The following KIF18B variants were observed in gnomAD, a reference collection of about 807,000 sequenced individuals.
The protein encoded by KIF18B is kinesin-like protein KIF18B.
Under a neutral mutation model 80.9 loss-of-function variants are expected in KIF18B, and 49 were observed. The ratio of observed to expected loss-of-function variants is 0.61; its 90% CI spans 0.48 to 0.77. KIF18B has a LOEUF of 0.77. Ranked by LOEUF, KIF18B falls within the 30% of genes least tolerant of loss-of-function variation. The pLI, the probability that KIF18B is intolerant of heterozygous loss-of-function variation, is 0.00. For synonymous variants in KIF18B, 439 were observed against 463.9 expected (o/e 0.95, Z 0.69); for missense variants, 994 against 1,127.7 (o/e 0.88, Z 1.70).
chr17:44,938,595 G>A (rs1046269944), intron 1 of KIF18B, among the ~76,000 whole-genome samples: 5 of 152,068 alleles, frequency 3.3e-5, no homozygotes, highest in Non-Finnish European at 5.9e-5. Flanking sequence ...CATGGAGATG[G>A]AATTTTTTTT....
intron 1 of KIF18B, among the ~76,000 whole-genome samples, chr17:44,936,598 CTATATA>C (rs1218900628): frequency 0.021 from 588 of 27,744 alleles, 10 homozygotes; most frequent in Non-Finnish European, 0.022. Context: ...CTCTCTCTCT[CTATATA>C]TATATATATA....
In KIF18B at chr17:44,925,398, G is replaced by C. The variant is rs2052004813; in HGVS notation, c.*682C>G. On this transcript the variant is annotated 3_prime_UTR_variant, in exon 16 of 16. Coordinates refer to ENST00000593135, the MANE Select transcript of KIF18B (RefSeq NM_001265577.2). Reference sequence around the variant, plus strand: ...GGAGGCGGAGCTTGCAGTGAGCCAAGATCGCCACCACTGCACTCCAGCCTG... The same window carrying C: ...GGAGGCGGAGCTTGCAGTGAGCCAACATCGCCACCACTGCACTCCAGCCTG... 6.6e-6 allele frequency: 1 copy of C among 152,006 alleles called. No homozygotes were observed. Among genetic ancestry groups the C allele is most frequent in the Admixed American group, 6.6e-5 (1 of 15,224 alleles). The allele number at this position is 152,006 out of a possible 1,614,324, so 9.4% of individuals were successfully genotyped here.
rs376904129 is a variant in KIF18B at position 44,932,954 on chromosome 17, G to A, written c.1095C>T (p.His365=). The change falls in exon 8 of 16, where the codon CAC becomes CAT. Residue 365 remains histidine, a synonymous_variant. Transcript: ENST00000593135. ...GGCAGATGGTAGCATACTGGCTGAT[G>A]TGACAGTCCAGGCTGGTCACATTGC... ...LKSNVTSLDC[H]ISQYATICQQ... is the part of the protein sequence containing the mutation. 1.1e-5 allele frequency: 18 copies of A among 1,607,498 alleles called. No homozygotes were observed. The African/African-American group carries it at 2.1e-4, about 19-fold the overall frequency.
intron 10 of KIF18B, 128 bp from the exon 11 acceptor site, chr17:44,931,857 C>A: frequency 7.8e-7 from 1 of 1,281,142 alleles, no homozygotes; most frequent in South Asian, 1.4e-5. Flanking sequence ...AGGTCCTGGT[C>A]ACTTCCAAAC....
Position 44,936,201 on chromosome 17 carries a change from C to T in KIF18B, c.144G>A (p.Gly48=). The T allele has an allele frequency of 6.2e-7, 1 of 1,612,006 alleles. No individual in the cohort carries two copies. Reference sequence around the variant, plus strand: ...TGCCACCCCATTTCAGGCCAGGGAACCCTCCATCGGGCTCCTCAGGGTTAA... The same window carrying T: ...TGCCACCCCATTTCAGGCCAGGGAATCCTCCATCGGGCTCCTCAGGGTTAA... ...LVFNPEEPDG[G]FPGLKWGGTH... is the part of the protein sequence containing the mutation. Residue 48 remains glycine (G), a synonymous_variant, in exon 2 of 16, where the codon GGG becomes GGA. Coordinates refer to ENST00000593135, the MANE Select transcript of KIF18B (RefSeq NM_001265577.2).
intron 12 of KIF18B, 58 bp downstream of exon 12, chr17:44,928,761 G>T: frequency 6.5e-7 from 1 of 1,547,630 alleles, no homozygotes; most frequent in Non-Finnish European, 8.8e-7. Flanking sequence ...CTTGGCCCCA[G>T]TGGGGCCTTG....
intron 8 of KIF18B, 24 bp downstream of exon 8, chr17:44,932,888 C>T (rs1597881575): frequency 5.0e-6 from 8 of 1,595,726 alleles, no homozygotes; most frequent in South Asian, 1.1e-5. Context: ...GCCCTCCAGC[C>T]TGCCCCCAAG....
In KIF18B at chr17:44,927,218, G is replaced by T; in HGVS notation, c.2277-140C>A. 1.6e-6 allele frequency: 1 copy of T among 617,702 alleles called. No homozygotes were observed. The highest frequency in any genetic ancestry group is 2.8e-6 in the Non-Finnish European group (1 of 354,752). 38.3% of individuals were successfully genotyped at this position (617,702 alleles called of 1,614,324 possible). On this transcript the variant is annotated intron_variant, in intron 13 of 15. Coordinates refer to ENST00000593135, the MANE Select transcript of KIF18B (RefSeq NM_001265577.2). This position sits in a 1 kb window ranked among gnomAD's most constrained non-coding sequence, Gnocchi z 4.1. ...ACCTCTGAGGTTTCTTCTACAAAGAGGTGGATTCCTCTCTCTGCCTGGCTG... is the reference window on the plus strand; with the variant it reads ...ACCTCTGAGGTTTCTTCTACAAAGATGTGGATTCCTCTCTCTGCCTGGCTG...
chr17:44,941,490 C>T (rs868725312), intron 1 of KIF18B, among the ~76,000 whole-genome samples: 1 of 152,122 alleles, frequency 6.6e-6, no homozygotes, highest in Non-Finnish European at 1.5e-5. Context: ...AGGCGCCCAC[C>T]ATTACGGCCA....
rs1291188191 is a variant in KIF18B, at chr17:44,934,091, C to T, written c.894G>A (p.Lys298=). ...TGCTGTCCCGGTAGGGCACATGGGT[C>T]TTGCGGCCCTGGGGGGCAGTAAGCA... ...LNALADAKGR[K]THVPYRDSKL... Residue 298 remains lysine (K), a synonymous_variant, in exon 7 of 16, where the codon AAG becomes AAA. Coordinates refer to ENST00000593135, the MANE Select transcript of KIF18B (RefSeq NM_001265577.2). The surrounding 1 kb of genome is among the most constrained non-coding windows in gnomAD (Gnocchi z 5.4). 6.2e-7 allele frequency: 1 copy of T among 1,612,504 alleles called. No homozygotes were observed. The highest frequency in any genetic ancestry group is 8.5e-7 in the Non-Finnish European group (1 of 1,179,404).
chr17:44,938,924 G>A (rs1439522341), intron 1 of KIF18B, among the ~76,000 whole-genome samples: 4 of 152,050 alleles, frequency 2.6e-5, no homozygotes, highest in Non-Finnish European at 5.9e-5. Flanking sequence ...CGTGCCTGTA[G>A]TCCCAGCTAC....
chr17:44,941,187 T>C (rs2052408191), intron 1 of KIF18B, among the ~76,000 whole-genome samples: 1 of 152,194 alleles, frequency 6.6e-6, no homozygotes, highest in South Asian at 2.1e-4. Context: ...CATCGGGCTA[T>C]ACTGCCTTAT....
Position 44,936,076 on chromosome 17 carries a change from G to A in KIF18B, c.269C>T (p.Thr90Met), listed in dbSNP as rs767285487. Residue 90 changes from threonine to methionine, a missense_variant, in exon 2 of 16, where the codon ACG becomes ATG. By Grantham distance (81) the Thr-to-Met change is moderately conservative. Coordinates refer to ENST00000593135, the MANE Select transcript of KIF18B (RefSeq NM_001265577.2). ...GAGGAAGCTGTCCAGGACGCTGTGC[G>A]TGGTGTGCTGGAACACGTCCTGTTG... ...ATQQDVFQHT[T>M]HSVLDSFLQG... 15 of 1,613,810 alleles carry A rather than the reference G, an allele frequency of 9.3e-6. No individual in the cohort carries two copies. Among genetic ancestry groups the A allele is most frequent in the Middle Eastern group, 1.7e-4 (1 of 6,058 alleles).
chr17:44,928,195 G>A lies in KIF18B; in HGVS notation c.2107C>T (p.Pro703Ser). The A allele has an allele frequency of 6.2e-7, 1 of 1,612,276 alleles. No homozygotes were observed. The highest frequency in any genetic ancestry group is 8.5e-7 in the Non-Finnish European group (1 of 1,179,068). Residue 703 changes from proline to serine, a missense_variant, in exon 13 of 16, where the codon CCT (proline) becomes TCT (serine). By Grantham distance (74) the Pro-to-Ser change is moderately conservative. Coordinates refer to ENST00000593135, the MANE Select transcript of KIF18B (RefSeq NM_001265577.2). ...TVIKSRVPLGPSAMQNCSTPL... is the reference protein window; with the variant it reads ...TVIKSRVPLGSSAMQNCSTPL... ...GTGGAGCAGTTCTGCATGGCGGAAG[G>A]GCCCAGGGGCACCCGGCTTTTGATG...
chr17:44,938,870 C>A (rs184131222), intron 1 of KIF18B, among the ~76,000 whole-genome samples: 2 of 151,610 alleles, frequency 1.3e-5, no homozygotes, highest in Non-Finnish European at 2.9e-5. Context: ...CATGAAGAAA[C>A]CCCGTCTCTA....
Position 44,928,861 on chromosome 17 carries a change from C to G in KIF18B, c.1681G>C (p.Ala561Pro). 6.2e-6 allele frequency: 10 copies of G among 1,613,840 alleles called. No individual in the cohort carries two copies. Among genetic ancestry groups the G allele is most frequent in the African/African-American group, 1.3e-5 (1 of 75,038 alleles). Residue 561 changes from alanine (A) to proline (P), a missense_variant, in exon 12 of 16, where the codon GCC (alanine) becomes CCC (proline). By Grantham distance (27) the Ala-to-Pro change is conservative. Transcript: ENST00000593135. ...GAEALRTSGL[A>P]RGAPLAQELC... ...TCCTGAGCCAGAGGTGCCCCCCTGG[C>G]CAGGCCTGAAGTCCTCAAGGCCTCT...
At chr17:44,943,266 A>AT (rs1414408464) in intron 1 of KIF18B, among the ~76,000 whole-genome samples, 1 of 151,700 alleles carries the variant, frequency 6.6e-6, no homozygotes, top group African/African-American at 2.4e-5. Flanking sequence ...CGCCCGACTA[A>AT]TTTTTTGTAT....
Position 44,925,998 on chromosome 17 carries a change from C to T in KIF18B, c.*82G>A. 6.9e-7 allele frequency: 1 copy of T among 1,457,610 alleles called. No individual in the cohort carries two copies. The highest frequency in any genetic ancestry group is 1.4e-5 in the African/African-American group (1 of 71,468). The allele number at this position is 1,457,610 out of a possible 1,614,324, so 90.3% of individuals were successfully genotyped here. A position where few individuals can be genotyped will look rare whatever the true frequency, so the allele number is the denominator to read the frequency against. Reference sequence around the variant, plus strand: ...AGGAAGGCAGGTCCAGCTCCTGGTGCAGGTGGCTACAGGTCCAAGAGGGGT... The same window carrying T: ...AGGAAGGCAGGTCCAGCTCCTGGTGTAGGTGGCTACAGGTCCAAGAGGGGT... On this transcript the variant is annotated 3_prime_UTR_variant, in exon 16 of 16. Transcript: ENST00000593135.
At chr17:44,942,021 T>C (rs7214285) in intron 1 of KIF18B, among the ~76,000 whole-genome samples, 1,885 of 152,250 alleles carry the variant, frequency 0.012, 36 homozygotes, top group African/African-American at 0.041. Flanking sequence ...GCCTGGGTCC[T>C]GGTCCCTGTT....
Sources: gnomAD v4.1 joint callset for allele counts (sites outside exome capture counted in the v4.1 genomes callset) on GRCh38, gnomAD v4.1.1 for gene constraint, Gnocchi (gnomAD v3.1) non-coding constraint, MANE v1.5 for transcripts, NCBI Gene and HGNC (gene_info 2026-07-23, HGNC 2026-07-21) for gene names.